Variants in CEP85L observed in about 807,000 individuals in gnomAD.
The protein encoded by CEP85L is centrosomal protein 85L.
Under a neutral mutation model 100.3 loss-of-function variants are expected in CEP85L, and 60 were observed. That is an observed-to-expected ratio of 0.60 (90% CI 0.49 to 0.74). The LOEUF is 0.74. Ranked by LOEUF, CEP85L falls within the 30% of genes least tolerant of loss-of-function variation. The pLI, the probability that CEP85L is intolerant of heterozygous loss-of-function variation, is 0.00. For missense variants in CEP85L, 973 were observed against 936.2 expected (o/e 1.04, Z -0.51); for synonymous variants, 319 against 322.7 (o/e 0.99, Z 0.12).
At chr6:118,475,347 AT>A (rs34878583) in intron 10 of CEP85L, among the ~76,000 whole-genome samples, 24,688 of 78,180 alleles carry the variant, frequency 0.32, 3,046 homozygotes, top group East Asian at 0.5. Flanking sequence ...TGTAGGTGAC[AT>A]TTTTTTTTTT....
chr6:118,695,115 AAT>A (rs896890889), intron 1 of CEP85L, among the ~76,000 whole-genome samples: 46 of 152,352 alleles, frequency 3.0e-4, no homozygotes, highest in Non-Finnish European at 3.8e-4. Context: ...TCAATCATTT[AAT>A]CCAATAGCAT....
At chr6:118,510,366 G>A (rs955799701) in intron 5 of CEP85L, among the ~76,000 whole-genome samples, 1 of 151,066 alleles carries the variant, frequency 6.6e-6, no homozygotes, top group Non-Finnish European at 1.5e-5. Flanking sequence ...TATATACAGG[G>A]CTCCAAAAAA....
At chr6:118,577,910 C>T (rs1562278613) in intron 2 of CEP85L, among the ~76,000 whole-genome samples, 2 of 152,148 alleles carry the variant, frequency 1.3e-5, no homozygotes. Context: ...ACCTTGTATT[C>T]GTGGATTAGT....
At chr6:118,657,927 C>A (rs1165717627) in intron 1 of CEP85L, among the ~76,000 whole-genome samples, 3 of 152,152 alleles carry the variant, frequency 2.0e-5, no homozygotes, top group African/African-American at 7.2e-5. Context: ...CTTCTGGGTA[C>A]TAGAAGAGAA....
chr6:118,651,250 G>A lies in CEP85L; in HGVS notation c.20C>T (p.Ala7Val), dbSNP rs187158499. The A allele has an allele frequency of 1.7e-4, 253 of 1,492,186 alleles. 1 individual carries two copies. In the Admixed American group the frequency reaches 5.4e-3, roughly 32 times the overall value. The allele number at this position is 1,492,186 out of a possible 1,614,324, so 92.4% of individuals were successfully genotyped here. Residue 7 changes from alanine (A) to valine (V), a missense_variant, in exon 1 of 13, where the codon GCT becomes GTT. By Grantham distance (64) the Ala-to-Val change is moderately conservative (BLOSUM62 0). Coordinates refer to ENST00000368491, the MANE Select transcript of CEP85L (RefSeq NM_001042475.3). ...GCTATCCCGGCCGCTGGCCTCCGGA[G>A]CCAGGAAGCGCCCCCACATCGCGGG... MWGRFL[A>V]PEASGRDSPG... is the part of the protein sequence containing the mutation.
At chr6:118,623,206 A>T (rs1428943568) in intron 2 of CEP85L, among the ~76,000 whole-genome samples, 1 of 152,204 alleles carries the variant, frequency 6.6e-6, no homozygotes, top group Non-Finnish European at 1.5e-5. Context: ...CCAAAGAAAT[A>T]ATCCCTTGGT....
At chr6:118,465,700 G>C (rs1397961367) in intron 12 of CEP85L, 132 bp from the exon 13 acceptor site, 2 of 733,916 alleles carry the variant, frequency 2.7e-6, no homozygotes, top group Non-Finnish European at 4.4e-6. Flanking sequence ...TTCAAGTTAT[G>C]TTTAAATCAT....
intron 5 of CEP85L, chr6:118,501,896 A>G: frequency 8.4e-7 from 1 of 1,183,648 alleles, no homozygotes; most frequent in Non-Finnish European, 1.2e-6. Context: ...AAAGAAAGAC[A>G]AAGATATGCT....
chr6:118,599,027 T>C lies in CEP85L; in HGVS notation c.233-32711A>G, dbSNP rs532242534. Reference sequence around the variant, plus strand: ...ATACTAATACTGACGAATAAACAGATAAATAATTCTAGATATATGTGTAAT... The same window carrying C: ...ATACTAATACTGACGAATAAACAGACAAATAATTCTAGATATATGTGTAAT... On this transcript the variant is annotated intron_variant, in intron 2 of 12. Transcript: ENST00000368491. Among the ~76,000 whole-genome samples the C allele has an allele frequency of 3.3e-5, 5 of 152,282 alleles. No individual in the cohort carries two copies. In the East Asian group the frequency reaches 9.6e-4, roughly 29 times the overall value.
intron 10 of CEP85L, among the ~76,000 whole-genome samples, chr6:118,475,513 C>T (rs909115498): frequency 6.6e-6 from 1 of 151,844 alleles, no homozygotes; most frequent in African/African-American, 2.4e-5. Context: ...GCCACCACGC[C>T]TGGCTAATTT....
chr6:118,566,773 T>C (rs960640687), intron 2 of CEP85L, among the ~76,000 whole-genome samples: 1 of 152,184 alleles, frequency 6.6e-6, no homozygotes, highest in Non-Finnish European at 1.5e-5. Context: ...TTATTATCCT[T>C]TTATCTGAAA....
chr6:118,648,429 T>A (rs772737692), intron 1 of CEP85L, among the ~76,000 whole-genome samples: 13 of 152,038 alleles, frequency 8.6e-5, no homozygotes, highest in South Asian at 2.1e-4. Context: ...TAAAAAAAAA[T>A]TTCTTCTGAT....
chr6:118,558,776 G>A (rs916123612), intron 3 of CEP85L: 5 of 693,184 alleles, frequency 7.2e-6, no homozygotes, highest in Admixed American at 2.2e-5. Context: ...TTGTTCTGAG[G>A]ATAGGTTACA....
chr6:118,655,096 C>A (rs1459019623), upstream of CEP85L, among the ~76,000 whole-genome samples: 2 of 152,132 alleles, frequency 1.3e-5, no homozygotes, highest in African/African-American at 4.8e-5. Context: ...TTCATAGAAA[C>A]CTTCATTCTA....
intron 5 of CEP85L, chr6:118,501,311 A>G: frequency 2.7e-6 from 1 of 365,114 alleles, no homozygotes; most frequent in Non-Finnish European, 5.3e-6. Flanking sequence ...GGCGAGGTGG[A>G]GGACAGGAGC....
intron 3 of CEP85L, chr6:118,537,853 T>C (rs1777682082): frequency 3.0e-6 from 3 of 985,148 alleles, no homozygotes; most frequent in Non-Finnish European, 2.4e-6. Flanking sequence ...ACTCACAACA[T>C]GTCACGTAAC....
intron 3 of CEP85L, among the ~76,000 whole-genome samples, chr6:118,562,432 T>C (rs1779278841): frequency 1.3e-5 from 2 of 152,184 alleles, no homozygotes; most frequent in South Asian, 2.1e-4. Context: ...CACATGATCA[T>C]TGCACACTGC....
rs555591334 is a variant in CEP85L, at chr6:118,608,564, T to A, written c.232+23889A>T. Among the ~76,000 whole-genome samples the A allele has an allele frequency of 2.0e-5, 3 of 152,330 alleles. No individual in the cohort carries two copies. In the South Asian group the frequency reaches 6.2e-4, roughly 32 times the overall value. ...CTCTTATCTCCTAGATTTTTATGAT[T>A]TTTAAAAGAAATCAAAAGCTCTTTA... On this transcript the variant is annotated intron_variant, in intron 2 of 12. Transcript: ENST00000368491.
chr6:118,538,434 T>C lies in CEP85L; in HGVS notation c.1021-14514A>G, dbSNP rs1425949126. 5.9e-5 allele frequency among the ~76,000 whole-genome samples: 9 copies of C among 152,114 alleles called. No individual in the cohort carries two copies. The East Asian group carries it at 1.7e-3, about 29-fold the overall frequency. On this transcript the variant is annotated intron_variant, in intron 3 of 12. Transcript: ENST00000368491. ...ATATAAAAAACATCTTAAGAATGCA[T>C]ATGCATGAAGATAAAGGGAACTCAA...
Sources: gnomAD v4.1 joint callset for allele counts (sites outside exome capture counted in the v4.1 genomes callset) on GRCh38, gnomAD v4.1.1 for gene constraint, MANE v1.5 for transcripts, NCBI Gene and HGNC (gene_info 2026-07-23, HGNC 2026-07-21) for gene names.